FRAS1: variants seen among roughly 807,000 people sequenced by gnomAD.
FRAS1 encodes the protein extracellular matrix organizing protein FRAS1.
In FRAS1, 290 loss-of-function variants were observed where a neutral mutation model predicts 435.2. That is an observed-to-expected ratio of 0.67 (90% CI 0.61 to 0.73). The LOEUF is 0.73. Among genes scored for constraint, FRAS1 ranks in the 30% least tolerant of loss-of-function variants. FRAS1 has a pLI of 0.00. For missense variants in FRAS1, 4,860 were observed against 5,001.5 expected (o/e 0.97, Z 0.85); for synonymous variants, 1,800 against 1,851.0 (o/e 0.97, Z 0.71).
intron 58 of FRAS1, among the ~76,000 whole-genome samples, chr4:78,486,990 T>C (rs577531443): frequency 6.6e-6 from 1 of 152,350 alleles, no homozygotes; most frequent in South Asian, 2.1e-4. Context: ...CTTTCTCATC[T>C]GACTTGAGGC....
intron 70 of FRAS1, among the ~76,000 whole-genome samples, chr4:78,527,682 G>T (rs576358501): frequency 2.6e-5 from 4 of 152,300 alleles, no homozygotes; most frequent in Admixed American, 1.3e-4. Flanking sequence ...TGATTGGGGT[G>T]AGCTTGAGAG....
chr4:78,407,271 C>G (rs1560709903), intron 30 of FRAS1, among the ~76,000 whole-genome samples: 2 of 152,136 alleles, frequency 1.3e-5, no homozygotes, highest in Non-Finnish European at 2.9e-5. Context: ...CAAAAACTTC[C>G]TGGCTGGAAA....
At chr4:78,469,364 G>A (rs1186792950) in intron 50 of FRAS1, among the ~76,000 whole-genome samples, 1 of 152,004 alleles carries the variant, frequency 6.6e-6, no homozygotes, top group Non-Finnish European at 1.5e-5. Flanking sequence ...TGTGAGAATG[G>A]GATTATAAAT....
intron 2 of FRAS1, among the ~76,000 whole-genome samples, chr4:78,120,485 G>C (rs912803857): frequency 6.6e-6 from 1 of 152,150 alleles, no homozygotes; most frequent in African/African-American, 2.4e-5. Context: ...ATACAGGCAT[G>C]ACAGTCCAGG....
intron 2 of FRAS1, among the ~76,000 whole-genome samples, chr4:78,155,180 C>T (rs1720829819): frequency 6.6e-6 from 1 of 152,184 alleles, no homozygotes; most frequent in Non-Finnish European, 1.5e-5. Flanking sequence ...GGCCTGACTT[C>T]CAGTGGGTTT....
At chr4:78,197,903 T>A (rs1722883521) in intron 2 of FRAS1, among the ~76,000 whole-genome samples, 1 of 150,350 alleles carries the variant, frequency 6.7e-6, no homozygotes, top group African/African-American at 2.5e-5. Context: ...ATTGAGCCAC[T>A]GCACTCCAGC....
intron 2 of FRAS1, among the ~76,000 whole-genome samples, chr4:78,171,226 C>T (rs1721540452): frequency 6.6e-6 from 1 of 152,018 alleles, no homozygotes; most frequent in Non-Finnish European, 1.5e-5. Flanking sequence ...TGCAATTTCA[C>T]ATCAATTCTG....
chr4:78,503,592 A>G (rs1291764607), intron 61 of FRAS1, among the ~76,000 whole-genome samples: 1 of 151,066 alleles, frequency 6.6e-6, no homozygotes, highest in Non-Finnish European at 1.5e-5. Flanking sequence ...CATCTATTTG[A>G]TTCTCCTCTC....
At chr4:78,245,102 A>G (rs1236221296) in intron 3 of FRAS1, 131 bp from the exon 4 acceptor site, 1 of 691,422 alleles carries the variant, frequency 1.4e-6, no homozygotes, top group Non-Finnish European at 2.6e-6. Context: ...TATTCATTTT[A>G]TCCCATCTGT....
At chr4:78,232,470 A>G (rs1724557395) in intron 2 of FRAS1, among the ~76,000 whole-genome samples, 3 of 152,054 alleles carry the variant, frequency 2.0e-5, no homozygotes, top group Admixed American at 6.6e-5. Flanking sequence ...TGTTTTTAGT[A>G]GAGACAGGGT....
chr4:78,524,077 G>T (rs1721464299), intron 69 of FRAS1, among the ~76,000 whole-genome samples: 1 of 152,160 alleles, frequency 6.6e-6, no homozygotes, highest in Non-Finnish European at 1.5e-5. Flanking sequence ...AGTACTAGCA[G>T]CTCCCTCCTC....
chr4:78,530,185 G>A (rs1002413857), intron 70 of FRAS1, among the ~76,000 whole-genome samples: 2 of 151,868 alleles, frequency 1.3e-5, no homozygotes, highest in African/African-American at 4.8e-5. Context: ...TGTAAGTAGA[G>A]TTTCTCCAGG....
At chr4:78,433,172 G>A (rs952441331) in intron 38 of FRAS1, among the ~76,000 whole-genome samples, 11 of 152,286 alleles carry the variant, frequency 7.2e-5, no homozygotes, top group African/African-American at 2.4e-4. Flanking sequence ...GAGGATCAAG[G>A]ACTAGAGTTT....
At chr4:78,293,470 G>T (rs1001177364) in intron 14 of FRAS1, among the ~76,000 whole-genome samples, 6 of 152,206 alleles carry the variant, frequency 3.9e-5, no homozygotes, top group Admixed American at 3.9e-4. Context: ...TTTCTGGCTA[G>T]TGGTGGCCTC....
intron 2 of FRAS1, among the ~76,000 whole-genome samples, chr4:78,117,791 C>A (rs946194698): frequency 7.0e-6 from 1 of 142,686 alleles, no homozygotes; most frequent in Admixed American, 7.1e-5. Flanking sequence ...TCCTTTAGCT[C>A]GGAGTAGTTT....
chr4:78,286,592 C>T (rs2110187597), intron 14 of FRAS1, 53 bp downstream of exon 14: 1 of 1,579,144 alleles, frequency 6.3e-7, no homozygotes. Context: ...GCTCCCCAAC[C>T]CTGACCCCAC....
intron 47 of FRAS1, among the ~76,000 whole-genome samples, chr4:78,457,026 G>A (rs1028504924): frequency 3.9e-5 from 6 of 151,912 alleles, no homozygotes; most frequent in Admixed American, 6.5e-5. Flanking sequence ...CTTCAAGGAG[G>A]CCTACCTCGT....
intron 10 of FRAS1, among the ~76,000 whole-genome samples, chr4:78,279,997 G>A (rs1580105): frequency 0.95 from 143,898 of 152,254 alleles, 68,403 homozygotes; most frequent in Non-Finnish European, 1. Flanking sequence ...ATCACACACT[G>A]TGGCTGTAAC....
chr4:78,194,531 A>G (rs974486343), intron 2 of FRAS1, among the ~76,000 whole-genome samples: 2 of 152,102 alleles, frequency 1.3e-5, no homozygotes, highest in African/African-American at 4.8e-5. Context: ...TTGATCTTCC[A>G]TCACTGATAC....
Sources: allele counts gnomAD v4.1 joint callset (sites outside exome capture counted in the v4.1 genomes callset), GRCh38; gene constraint gnomAD v4.1.1; transcripts MANE v1.5; gene names NCBI Gene and HGNC (gene_info 2026-07-23, HGNC 2026-07-21).